FOXP2: variants seen among roughly 807,000 people sequenced by gnomAD.
FOXP2 encodes the protein forkhead box P2.
In FOXP2, 12 loss-of-function variants were observed where a neutral mutation model predicts 115.8. The ratio of observed to expected loss-of-function variants is 0.10; its 90% CI spans 0.07 to 0.17. The LOEUF (loss-of-function observed/expected upper bound fraction) is 0.17, where lower values mean the gene tolerates loss of function less well. Ranked by LOEUF, FOXP2 falls within the 10% of genes least tolerant of loss-of-function variation. The pLI is 1.00. For missense variants in FOXP2, 629 were observed against 843.5 expected (o/e 0.75, Z 3.15); for synonymous variants, 328 against 297.7 (o/e 1.10, Z -1.05).
rs1808665673 is a variant in FOXP2, at chr7:114,691,533, A to G, written c.*1607A>G. On this transcript the variant is annotated 3_prime_UTR_variant, in exon 17 of 17. Transcript: ENST00000350908. Reference sequence around the variant, plus strand: ...GAATGCTGGTTTTCTTGACAATTCCAAACCCCAAAACTATGATAATGAGTT... The same window carrying G: ...GAATGCTGGTTTTCTTGACAATTCCGAACCCCAAAACTATGATAATGAGTT... The G allele has an allele frequency of 2.2e-6, 1 of 453,922 alleles. No homozygotes were observed. 28.1% of individuals were successfully genotyped at this position (453,922 alleles called of 1,614,324 possible).
rs1440263509 is a variant in FOXP2 at position 114,554,915 on chromosome 7, C to T, written c.258+20209C>T. ...TGATTGCCTAATGTCAGGATTCAGACACGTGTATCTAAAAAAGGGCTTCCT... is the reference window on the plus strand; with the variant it reads ...TGATTGCCTAATGTCAGGATTCAGATACGTGTATCTAAAAAAGGGCTTCCT... On this transcript the variant is annotated intron_variant, in intron 3 of 16. Coordinates refer to ENST00000350908, the MANE Select transcript of FOXP2 (RefSeq NM_014491.4). Among the ~76,000 whole-genome samples, 3 of 152,102 alleles carry T rather than the reference C, an allele frequency of 2.0e-5. No homozygotes were observed. In the East Asian group the frequency reaches 5.8e-4, roughly 29 times the overall value.
intron 1 of FOXP2, among the ~76,000 whole-genome samples, chr7:114,266,600 G>GTCTA: frequency 6.6e-6 from 1 of 152,246 alleles, no homozygotes; most frequent in East Asian, 1.9e-4. Context: ...ATCGGGATAT[G>GTCTA]AGGAATCCAT....
At chr7:114,590,580 A>G (rs980060746) in intron 3 of FOXP2, among the ~76,000 whole-genome samples, 4 of 152,144 alleles carry the variant, frequency 2.6e-5, no homozygotes, top group Non-Finnish European at 5.9e-5. Context: ...TGTTTCTTAT[A>G]TGCAGATATA....
At chr7:114,183,013 C>G (rs1371846747) in intron 1 of FOXP2, among the ~76,000 whole-genome samples, 1 of 152,042 alleles carries the variant, frequency 6.6e-6, no homozygotes, top group Non-Finnish European at 1.5e-5. Context: ...GTTCAAAGAG[C>G]ACATTCCACA....
At chr7:114,620,973 ACTCT>A (rs1804219654) in intron 3 of FOXP2, among the ~76,000 whole-genome samples, 1 of 151,836 alleles carries the variant, frequency 6.6e-6, no homozygotes, top group African/African-American at 2.4e-5. Context: ...TCTGGGCAAA[ACTCT>A]CTCTCCTACC....
At chr7:114,673,949 G>T (rs567884313) in intron 16 of FOXP2, among the ~76,000 whole-genome samples, 113 of 152,178 alleles carry the variant, frequency 7.4e-4, no homozygotes, top group African/African-American at 2.4e-3. Flanking sequence ...TGATCCACCC[G>T]CCTCGACCTC....
chr7:114,682,470 CTTTTA>C (rs1260946493), intron 16 of FOXP2, among the ~76,000 whole-genome samples: 1 of 152,008 alleles, frequency 6.6e-6, no homozygotes, highest in Non-Finnish European at 1.5e-5. Context: ...TAAAGGGATT[CTTTTA>C]TTTTATTTGA....
chr7:114,205,273 C>T (rs1460206201), intron 1 of FOXP2, among the ~76,000 whole-genome samples: 1 of 152,152 alleles, frequency 6.6e-6, no homozygotes, highest in Non-Finnish European at 1.5e-5. Flanking sequence ...TGCAGCCTCA[C>T]ACATTGCGCT....
At chr7:114,222,434 G>A (rs1294196931) in intron 1 of FOXP2, among the ~76,000 whole-genome samples, 1 of 152,160 alleles carries the variant, frequency 6.6e-6, no homozygotes, top group Non-Finnish European at 1.5e-5. Flanking sequence ...ACAGGCATCA[G>A]CCACTGTGCC....
Position 114,693,516 on chromosome 7 carries a change from A to G in FOXP2, c.*3590A>G, listed in dbSNP as rs1326583983. On this transcript the variant is annotated 3_prime_UTR_variant, in exon 17 of 17. Coordinates refer to ENST00000350908, the MANE Select transcript of FOXP2 (RefSeq NM_014491.4). The stretch of plus-strand genomic sequence containing the variant: ...TTTGGACAATAGCTTTATTAAGTCT[A>G]TAAAGCTATTGAAAGGAACATGGCT... 1 of 452,968 alleles carries G rather than the reference A, an allele frequency of 2.2e-6. No individual in the cohort carries two copies. Among genetic ancestry groups the G allele is most frequent in the Non-Finnish European group, 4.4e-6 (1 of 226,276 alleles). 28.1% of individuals were successfully genotyped at this position (452,968 alleles called of 1,614,324 possible). A position where few individuals can be genotyped will look rare whatever the true frequency, so the allele number is the denominator to read the frequency against.
At chr7:114,671,256 C>T (rs1479614547) in intron 16 of FOXP2, among the ~76,000 whole-genome samples, 1 of 151,768 alleles carries the variant, frequency 6.6e-6, no homozygotes, top group Admixed American at 6.6e-5. Context: ...TACATTATTC[C>T]AGTCCCCATA....
At chr7:114,545,908 TTATTCCCTTCC>T (rs1799900930) in intron 3 of FOXP2, among the ~76,000 whole-genome samples, 1 of 152,216 alleles carries the variant, frequency 6.6e-6, no homozygotes, top group Non-Finnish European at 1.5e-5. Flanking sequence ...GTGGAATTAA[TTATTCCCTTCC>T]ATATATTACT....
intron 8 of FOXP2, among the ~76,000 whole-genome samples, chr7:114,646,599 CA>C (rs1371097091): frequency 6.6e-6 from 1 of 151,970 alleles, no homozygotes; most frequent in African/African-American, 2.4e-5. Flanking sequence ...GAACTAATGA[CA>C]GGAGGTTTTA....
chr7:114,276,576 G>C (rs779794164), intron 1 of FOXP2, among the ~76,000 whole-genome samples: 1 of 152,116 alleles, frequency 6.6e-6, no homozygotes, highest in Non-Finnish European at 1.5e-5. Flanking sequence ...GCTGGTGGGG[G>C]AGTATACCTG....
At chr7:114,439,563 A>AT (rs1794507381) in intron 2 of FOXP2, among the ~76,000 whole-genome samples, 1 of 151,822 alleles carries the variant, frequency 6.6e-6, no homozygotes. Flanking sequence ...TTATTTATTT[A>AT]TTTATTTTAT....
intron 1 of FOXP2, among the ~76,000 whole-genome samples, chr7:114,416,061 G>C (rs758809614): frequency 6.6e-6 from 1 of 151,776 alleles, no homozygotes; most frequent in Admixed American, 6.6e-5. Flanking sequence ...TTTAATACTC[G>C]TGTCAGTTAA....
chr7:114,642,368 C>T lies in FOXP2; in HGVS notation c.776-42C>T, dbSNP rs988559936. On this transcript the variant is annotated intron_variant, in intron 6 of 16. Transcript: ENST00000350908. ...ACAAAGCTCATTATATAAACTTTAC[C>T]TTTACCTTGTTATGCTAGTGAAGCT... 3 of 1,525,232 alleles carry T rather than the reference C, an allele frequency of 2.0e-6. No homozygotes were observed. The Admixed American group carries it at 5.1e-5, about 26-fold the overall frequency. 94.5% of individuals were successfully genotyped at this position (1,525,232 alleles called of 1,614,324 possible). A position where few individuals can be genotyped will look rare whatever the true frequency, so the allele number is the denominator to read the frequency against.
chr7:114,391,966 CATTA>C (rs1427312440), intron 2 of FOXP2, among the ~76,000 whole-genome samples: 3 of 152,034 alleles, frequency 2.0e-5, no homozygotes, highest in Admixed American at 1.3e-4. Context: ...AATTTCATTG[CATTA>C]ATTAATAATA....
At chr7:114,344,719 C>T (rs1020807932) in intron 2 of FOXP2, among the ~76,000 whole-genome samples, 34 of 151,732 alleles carry the variant, frequency 2.2e-4, no homozygotes, top group African/African-American at 8.2e-4. Flanking sequence ...ATAGGCCTTC[C>T]AAATTTTGAT....
Sources: gnomAD v4.1 joint callset for allele counts (sites outside exome capture counted in the v4.1 genomes callset) on GRCh38, gnomAD v4.1.1 for gene constraint, MANE v1.5 for transcripts, NCBI Gene and HGNC (gene_info 2026-07-23, HGNC 2026-07-21) for gene names.